The following CCDC146 variants were observed in gnomAD, a reference collection of about 807,000 sequenced individuals.
CCDC146 encodes the protein coiled-coil domain-containing protein 146.
CCDC146 carries 92 observed loss-of-function variants against 119.3 expected under a neutral mutation model. The ratio of observed to expected loss-of-function variants is 0.77; its 90% confidence interval spans 0.65 to 0.92. The LOEUF (loss-of-function observed/expected upper bound fraction) is 0.92. Among genes scored for constraint, CCDC146 ranks in the 40% least tolerant of loss-of-function variants. The pLI is 0.00. For synonymous variants in CCDC146, 372 were observed against 371.8 expected, an observed-to-expected ratio of 1.00 and a Z score of -0.01; for missense variants, 1,000 against 1,103.0, an observed-to-expected ratio of 0.91 and a Z score of 1.32.
At chr7:77,285,192 TAGAC>T (rs544855370) in intron 15 of CCDC146, among the ~76,000 whole-genome samples, 13 of 152,298 alleles carry the variant, frequency 8.5e-5, no homozygotes, top group African/African-American at 3.1e-4. Flanking sequence ...CTATTTTACA[TAGAC>T]AGAGTAAACA....
At chr7:77,145,851 T>G (rs1791008867) in intron 1 of CCDC146, among the ~76,000 whole-genome samples, 1 of 152,176 alleles carries the variant, frequency 6.6e-6, no homozygotes, top group Admixed American at 6.5e-5. Flanking sequence ...AGTGGTCAAT[T>G]TTGGAATAAG....
intron 1 of CCDC146, among the ~76,000 whole-genome samples, chr7:77,139,338 G>A (rs998464847): frequency 4.6e-5 from 7 of 152,218 alleles, no homozygotes; most frequent in Non-Finnish European, 8.8e-5. Context: ...AAAAAAGATA[G>A]TGATCACTAG....
chr7:77,261,152 G>T (rs753088839), intron 8 of CCDC146, among the ~76,000 whole-genome samples: 7 of 152,036 alleles, frequency 4.6e-5, no homozygotes, highest in East Asian at 1.9e-4. Context: ...TAAGTTCAAG[G>T]TTACACATAC....
At position 77,196,166 on chromosome 7, in the gene CCDC146, G is replaced by A. The variant is rs3093279; in HGVS notation, c.156+28342G>A. On this transcript the variant is annotated intron_variant, in intron 2 of 18. Coordinates refer to ENST00000285871, the MANE Select transcript of CCDC146 (RefSeq NM_020879.3). The surrounding 1 kb of genome is among the most constrained non-coding windows in gnomAD (Gnocchi z 4.2). ...TGCTGTGTAGCATAAGAACCTAGCC[G>A]TCAGACATCATTTTTTAGCTATGAA... 8.2e-3 allele frequency: 6,162 copies of A among 752,228 alleles called. 246 individuals are homozygous for A. In the African/African-American group the frequency reaches 0.095, roughly 12 times the overall value. The allele number at this position is 752,228 out of a possible 1,614,324, so 46.6% of individuals were successfully genotyped here.
intron 2 of CCDC146, among the ~76,000 whole-genome samples, chr7:77,177,891 G>A (rs1791524009): frequency 6.6e-6 from 1 of 152,154 alleles, no homozygotes; most frequent in African/African-American, 2.4e-5. Context: ...TTATTGAACA[G>A]TACAGATAGG....
intron 2 of CCDC146, chr7:77,193,714 A>G (rs1001578494): frequency 2.6e-5 from 4 of 152,302 alleles, no homozygotes; most frequent in Admixed American, 6.5e-5. Flanking sequence ...AGTCATAGGT[A>G]AATCAGCTCC....
chr7:77,244,142 AAG>A (rs1792902215), intron 4 of CCDC146, among the ~76,000 whole-genome samples: 1 of 152,216 alleles, frequency 6.6e-6, no homozygotes, highest in Non-Finnish European at 1.5e-5. Context: ...TAAAAGTAAA[AAG>A]AAATTTAATT....
intron 2 of CCDC146, among the ~76,000 whole-genome samples, chr7:77,201,558 G>A: frequency 6.9e-6 from 1 of 145,892 alleles, no homozygotes; most frequent in Non-Finnish European, 1.5e-5. Flanking sequence ...CCATCCCCCA[G>A]CCCCACCCCT....
intron 5 of CCDC146, 40 bp from the exon 6 acceptor site, chr7:77,256,293 C>A: frequency 6.9e-7 from 1 of 1,454,468 alleles, no homozygotes; most frequent in Non-Finnish European, 9.3e-7. Flanking sequence ...TAAATGTTTG[C>A]TCAGACTATA....
At chr7:77,151,200 A>G (rs1229098605) in intron 1 of CCDC146, among the ~76,000 whole-genome samples, 1 of 152,172 alleles carries the variant, frequency 6.6e-6, no homozygotes, top group South Asian at 2.1e-4. Context: ...ACCCCATTCA[A>G]GAGGGTCCCA....
intron 2 of CCDC146, chr7:77,199,591 A>T (rs1322566321): frequency 2.5e-6 from 4 of 1,614,012 alleles, no homozygotes; most frequent in Non-Finnish European, 3.4e-6. Context: ...TTGCTTCGGG[A>T]GCTGAATAGT....
intron 15 of CCDC146, among the ~76,000 whole-genome samples, chr7:77,284,355 C>G (rs1426286657): frequency 6.6e-6 from 1 of 152,096 alleles, no homozygotes; most frequent in Non-Finnish European, 1.5e-5. Flanking sequence ...TCTTTCACCT[C>G]CCCTCTCCCT....
At chr7:77,238,663 C>T (rs3108407) in intron 3 of CCDC146, among the ~76,000 whole-genome samples, 87,187 of 151,948 alleles carry the variant, frequency 0.57, 27,107 homozygotes, top group Non-Finnish European at 0.7. Context: ...GTGATCCTCA[C>T]GCCTCGGCCT....
chr7:77,151,021 T>A (rs939285870), intron 1 of CCDC146, among the ~76,000 whole-genome samples: 1 of 152,208 alleles, frequency 6.6e-6, no homozygotes, highest in Non-Finnish European at 1.5e-5. Flanking sequence ...ATAAACAACA[T>A]AAATGTTATT....
intron 16 of CCDC146, chr7:77,287,144 C>G: frequency 1.6e-6 from 1 of 635,812 alleles, no homozygotes; most frequent in South Asian, 2.0e-5. Flanking sequence ...TCCAAAGGCA[C>G]ATTTCTCTCA....
intron 4 of CCDC146, among the ~76,000 whole-genome samples, chr7:77,247,199 T>TA (rs990053948): frequency 6.6e-6 from 1 of 152,020 alleles, no homozygotes; most frequent in Non-Finnish European, 1.5e-5. Flanking sequence ...TATTTCCTAA[T>TA]AAAAAAAGAA....
At chr7:77,170,160 G>A (rs934711317) in intron 2 of CCDC146, among the ~76,000 whole-genome samples, 1 of 152,068 alleles carries the variant, frequency 6.6e-6, no homozygotes, top group African/African-American at 2.4e-5. Flanking sequence ...TGCAGTGTCT[G>A]TTATTCTCAT....
intron 2 of CCDC146, among the ~76,000 whole-genome samples, chr7:77,216,854 G>A (rs1262755066): frequency 2.0e-5 from 3 of 152,124 alleles, no homozygotes; most frequent in Non-Finnish European, 4.4e-5. Context: ...GATAACATAT[G>A]CAGATAAGAG....
intron 2 of CCDC146, among the ~76,000 whole-genome samples, chr7:77,217,985 T>A (rs1792331170): frequency 6.6e-6 from 1 of 152,140 alleles, no homozygotes; most frequent in Admixed American, 6.5e-5. Flanking sequence ...TGTGAAGGCC[T>A]AGGACATTAC....
Sources: allele counts gnomAD v4.1 joint callset (sites outside exome capture counted in the v4.1 genomes callset), GRCh38; gene constraint gnomAD v4.1.1; non-coding constraint Gnocchi (gnomAD v3.1); transcripts MANE v1.5; gene names NCBI Gene and HGNC (gene_info 2026-07-23, HGNC 2026-07-21).